SERGEF: variants seen among roughly 807,000 people sequenced by gnomAD.
SERGEF encodes the protein secretion-regulating guanine nucleotide exchange factor.
In SERGEF, 51 loss-of-function variants were observed where a neutral mutation model predicts 50.0. The ratio of observed to expected loss-of-function variants is 1.02; its 90% confidence interval spans 0.81 to 1.29. The LOEUF is 1.29. Among genes scored for constraint, SERGEF ranks in the 50% most tolerant of loss-of-function variants. The pLI, the probability that SERGEF is intolerant of heterozygous loss-of-function variation, is 0.00. For synonymous variants in SERGEF, 205 were observed against 212.4 expected, an observed-to-expected ratio of 0.97 and a Z score of 0.30; for missense variants, 521 against 557.0, an observed-to-expected ratio of 0.94 and a Z score of 0.65.
At chr11:17,821,133 A>C (rs1850073183) in intron 10 of SERGEF, among the ~76,000 whole-genome samples, 1 of 152,208 alleles carries the variant, frequency 6.6e-6, no homozygotes, top group Admixed American at 6.5e-5. Context: ...AGAAGATGGA[A>C]GAGTCAAGAG....
intron 10 of SERGEF, among the ~76,000 whole-genome samples, chr11:17,875,543 G>A (rs761382360): frequency 3.9e-5 from 6 of 152,204 alleles, no homozygotes; most frequent in Non-Finnish European, 5.9e-5. Context: ...TTCTATGTGC[G>A]CTGGGCAGCG....
At chr11:18,007,256 T>C (rs1854094003) in intron 2 of SERGEF, among the ~76,000 whole-genome samples, 2 of 152,324 alleles carry the variant, frequency 1.3e-5, no homozygotes, top group South Asian at 4.1e-4. Flanking sequence ...TAAAATATAA[T>C]TTTTTTCTTT....
intron 8 of SERGEF, among the ~76,000 whole-genome samples, chr11:17,960,879 C>T (rs1478045896): frequency 3.3e-5 from 5 of 152,162 alleles, no homozygotes; most frequent in South Asian, 4.1e-4. Flanking sequence ...TGGGGTACCT[C>T]GTATATTATG....
At chr11:17,877,973 C>T (rs766096803) in intron 10 of SERGEF, 12 of 425,464 alleles carry the variant, frequency 2.8e-5, no homozygotes, top group South Asian at 4.4e-5. Context: ...TGCCACTTCC[C>T]GGGCAGGGAG....
At chr11:17,910,193 A>ACTCTCTCTCT (rs1219567785) in intron 9 of SERGEF, among the ~76,000 whole-genome samples, 8 of 145,748 alleles carry the variant, frequency 5.5e-5, no homozygotes, top group African/African-American at 7.7e-5. Flanking sequence ...ACACACACAC[A>ACTCTCTCTCT]CTCTCTCTCT....
intron 9 of SERGEF, among the ~76,000 whole-genome samples, chr11:17,937,206 T>A (rs1185852671): frequency 1.3e-5 from 2 of 152,102 alleles, no homozygotes; most frequent in South Asian, 4.1e-4. Context: ...CTCATATTTT[T>A]AAAAAATACG....
intron 10 of SERGEF, among the ~76,000 whole-genome samples, chr11:17,839,154 G>T (rs1344187364): frequency 6.6e-6 from 1 of 152,188 alleles, no homozygotes; most frequent in African/African-American, 2.4e-5. Flanking sequence ...AGTGGTTCAG[G>T]TATGCTAGAT....
intron 9 of SERGEF, among the ~76,000 whole-genome samples, chr11:17,885,190 C>T (rs530106173): frequency 1.8e-4 from 27 of 152,204 alleles, no homozygotes; most frequent in African/African-American, 3.4e-4. Context: ...CCTGTTAATC[C>T]TGCCTTCTCA....
Position 17,991,530 on chromosome 11 carries a change from T to G in SERGEF, c.685+1401A>C, listed in dbSNP as rs140271347. On this transcript the variant is annotated intron_variant, in intron 7 of 10. Coordinates refer to ENST00000265965, the MANE Select transcript of SERGEF (RefSeq NM_012139.4). This position sits in a 1 kb window ranked among gnomAD's most constrained non-coding sequence, Gnocchi z 4.9. ...TTCTCACCCTAAGGTCTCTAGTCCTTCTTCTGTAAAAGGAAGGGAGGAACT... is the reference window on the plus strand; with the variant it reads ...TTCTCACCCTAAGGTCTCTAGTCCTGCTTCTGTAAAAGGAAGGGAGGAACT... Among the ~76,000 whole-genome samples the G allele has an allele frequency of 1.2e-3, 188 of 152,338 alleles. 4 individuals are homozygous for G. The East Asian group carries it at 0.031, about 25-fold the overall frequency.
At position 17,788,229 on chromosome 11, in the gene SERGEF, G is replaced by A; in HGVS notation, c.1233C>T (p.Asp411=). The A allele has an allele frequency of 6.2e-7, 1 of 1,613,750 alleles. No individual in the cohort carries two copies. The change falls in exon 11 of 11, where the codon GAC becomes GAT. Residue 411 remains aspartate (D), a synonymous_variant. Coordinates refer to ENST00000265965, the MANE Select transcript of SERGEF (RefSeq NM_012139.4). ...CTGGGGAAAGGTAGGTGACCTTGGG[G>A]TCCTGGACCAATGCAGGGTGAGCTG... is the stretch of plus-strand genomic sequence containing the variant. The part of the protein sequence containing the change: ...QLPAHPALVQ[D]PKVTYLSPDA...
At chr11:17,861,643 C>T (rs1395701353) in intron 10 of SERGEF, among the ~76,000 whole-genome samples, 1 of 152,258 alleles carries the variant, frequency 6.6e-6, no homozygotes, top group African/African-American at 2.4e-5. Flanking sequence ...CACATGCATG[C>T]GTGCCGCAAG....
intron 10 of SERGEF, among the ~76,000 whole-genome samples, chr11:17,865,006 T>C (rs1421975278): frequency 1.3e-5 from 2 of 152,230 alleles, no homozygotes; most frequent in Admixed American, 6.5e-5. Flanking sequence ...ATAAATTCCA[T>C]ATGGATCGAA....
rs941050794 is a variant in SERGEF at position 17,884,391 on chromosome 11, G to T, written c.1012-6147C>A. Among the ~76,000 whole-genome samples the T allele has an allele frequency of 1.3e-5, 2 of 152,148 alleles. No homozygotes were observed. Among genetic ancestry groups the T allele is most frequent in the African/African-American group, 4.8e-5 (2 of 41,438 alleles). ...CTGGCTGGGCAGCCTGCGCCGCCTGGGTTAACAGGGCGAGGGAATGGGCGT... is the reference window on the plus strand; with the variant it reads ...CTGGCTGGGCAGCCTGCGCCGCCTGTGTTAACAGGGCGAGGGAATGGGCGT... On this transcript the variant is annotated intron_variant, in intron 9 of 10. Transcript: ENST00000265965. The surrounding 1 kb of genome is among the most constrained non-coding windows in gnomAD (Gnocchi z 4.6).
At chr11:17,843,513 A>T (rs1474938386) in intron 10 of SERGEF, among the ~76,000 whole-genome samples, 1 of 152,234 alleles carries the variant, frequency 6.6e-6, no homozygotes, top group Non-Finnish European at 1.5e-5. Flanking sequence ...CAGTAAGAGA[A>T]AGAGTTGAGA....
chr11:17,988,194 G>T (rs1853639089), intron 8 of SERGEF, among the ~76,000 whole-genome samples: 1 of 152,130 alleles, frequency 6.6e-6, no homozygotes, highest in South Asian at 2.1e-4. Flanking sequence ...TCAAAATAAT[G>T]TTCCTACCTC....
In SERGEF at chr11:17,883,986, T is replaced by C. The variant is rs1348445262; in HGVS notation, c.1012-5742A>G. 6.6e-5 allele frequency among the ~76,000 whole-genome samples: 10 copies of C among 152,048 alleles called. No homozygotes were observed. In the East Asian group the frequency reaches 1.9e-3, roughly 29 times the overall value. On this transcript the variant is annotated intron_variant, in intron 9 of 10. Coordinates refer to ENST00000265965, the MANE Select transcript of SERGEF (RefSeq NM_012139.4). The stretch of plus-strand genomic sequence containing the variant: ...AGTGGGGTGGGAAACGAACACCGGG[T>C]TGCGGACCAGAACTCAGGGTCAGGT...
chr11:17,806,856 G>T (rs180892026), intron 10 of SERGEF, among the ~76,000 whole-genome samples: 127 of 151,988 alleles, frequency 8.4e-4, no homozygotes, highest in African/African-American at 3.0e-3. Flanking sequence ...CCTCCAACAA[G>T]GTCTGTTCTC....
chr11:17,940,765 T>C lies in SERGEF; in HGVS notation c.1011+18705A>G, dbSNP rs1286269443. Reference sequence around the variant, plus strand: ...GATGATCAGTCTTACGGCCCCTTTCTAGTGTTCCTTCAGTCTTACACTGGA... The same window carrying C: ...GATGATCAGTCTTACGGCCCCTTTCCAGTGTTCCTTCAGTCTTACACTGGA... On this transcript the variant is annotated intron_variant, in intron 9 of 10. Transcript: ENST00000265965. Among the ~76,000 whole-genome samples, 3 of 152,180 alleles carry C rather than the reference T, an allele frequency of 2.0e-5. No individual in the cohort carries two copies. The East Asian group carries it at 5.8e-4, about 29-fold the overall frequency.
intron 8 of SERGEF, 83 bp downstream of exon 8, chr11:17,988,514 C>A: frequency 1.4e-6 from 2 of 1,395,710 alleles, no homozygotes. Context: ...AGTAAAAAGG[C>A]TTAACCCCAA....
Sources: gnomAD v4.1 joint callset for allele counts (sites outside exome capture counted in the v4.1 genomes callset) on GRCh38, gnomAD v4.1.1 for gene constraint, Gnocchi (gnomAD v3.1) non-coding constraint, MANE v1.5 for transcripts, NCBI Gene and HGNC (gene_info 2026-07-23, HGNC 2026-07-21) for gene names.